Variants in SLX9 observed in about 807,000 individuals in gnomAD.
SLX9 encodes SLX9 ribosome biogenesis factor.
SLX9 carries 19 observed loss-of-function variants against 20.8 expected under a neutral mutation model. That is an observed-to-expected ratio of 0.91 (90% confidence interval 0.64 to 1.34). SLX9 has a LOEUF of 1.34. SLX9 is among the 40% of genes most tolerant of loss of function. The pLI, the probability that SLX9 is intolerant of heterozygous loss-of-function variation, is 0.00. For missense variants in SLX9, 299 were observed against 322.2 expected (o/e 0.93, Z 0.55); for synonymous variants, 113 against 137.1 (o/e 0.82, Z 1.23).
Position 44,976,735 on chromosome 21 carries a change from A to G in SLX9, c.625A>G (p.Ser209Gly), listed in dbSNP as rs752670268. ...GCTGGCCAGTCCGGCCTACAGAGCC[A>G]GCCCCCTGGTGGCCATCGGGCAGAC... is the stretch of plus-strand genomic sequence containing the variant. ...ELLASPAYRASPLVAIGQTLA... is the reference protein window; with the variant it reads ...ELLASPAYRAGPLVAIGQTLA... Residue 209 changes from serine (S) to glycine (G), a missense_variant, in exon 6 of 6, where the codon AGC becomes GGC. Coordinates refer to ENST00000291634, the MANE Select transcript of SLX9 (RefSeq NM_058190.4). 9 of 1,569,452 alleles carry G rather than the reference A, an allele frequency of 5.7e-6. No individual in the cohort carries two copies. The highest frequency in any genetic ancestry group is 6.9e-6 in the Non-Finnish European group (8 of 1,158,134).
intron 2 of SLX9, chr21:44,959,323 C>G: frequency 1.1e-6 from 1 of 950,332 alleles, no homozygotes; most frequent in Non-Finnish European, 1.3e-6. Flanking sequence ...TGAACCGTCT[C>G]GGGAAATCAG....
At chr21:44,946,834 A>G (rs905666871) in intron 2 of SLX9, among the ~76,000 whole-genome samples, 1 of 152,096 alleles carries the variant, frequency 6.6e-6, no homozygotes. Flanking sequence ...GGACCATGGG[A>G]CCTCACAGAG....
chr21:44,940,243 T>A (rs1297579867), intron 1 of SLX9, 57 bp downstream of exon 1: 3 of 1,200,492 alleles, frequency 2.5e-6, no homozygotes, highest in Non-Finnish European at 3.1e-6. Flanking sequence ...GCGGGTGAGC[T>A]GCGGGGCGCC....
intron 4 of SLX9, among the ~76,000 whole-genome samples, chr21:44,970,466 TCTC>T (rs1248873810): frequency 1.3e-5 from 2 of 152,048 alleles, no homozygotes; most frequent in East Asian, 1.9e-4. Context: ...ATCTTGGACA[TCTC>T]CTGCCAGTCC....
intron 2 of SLX9, among the ~76,000 whole-genome samples, chr21:44,957,003 C>T (rs1003036476): frequency 6.6e-6 from 1 of 152,270 alleles, no homozygotes; most frequent in Non-Finnish European, 1.5e-5. Flanking sequence ...GGAATTGCAG[C>T]TCCAGAGCAC....
At chr21:44,939,891 C>G, upstream of SLX9, 3 of 644,356 alleles carry the variant, frequency 4.7e-6, no homozygotes, top group South Asian at 2.2e-5. Context: ...AAAGGCGGAG[C>G]GCCGCCACCC....
At chr21:44,974,906 G>A (rs909150217) in intron 5 of SLX9, among the ~76,000 whole-genome samples, 4 of 152,170 alleles carry the variant, frequency 2.6e-5, no homozygotes, top group African/African-American at 7.2e-5. Context: ...TGGACAGGGC[G>A]ACGGGTTTTC....
At chr21:44,971,484 C>A (rs1444133630) in intron 4 of SLX9, among the ~76,000 whole-genome samples, 1 of 152,130 alleles carries the variant, frequency 6.6e-6, no homozygotes, top group South Asian at 2.1e-4. Context: ...CGCCTGGCCT[C>A]ATGGGCACTG....
intron 2 of SLX9, among the ~76,000 whole-genome samples, chr21:44,957,396 G>A (rs776536578): frequency 8.5e-5 from 13 of 152,234 alleles, no homozygotes; most frequent in Admixed American, 2.0e-4. Context: ...AGATCGCTCC[G>A]TGGCAGCTGC....
At chr21:44,961,847 T>C (rs1318156986) in intron 3 of SLX9, among the ~76,000 whole-genome samples, 2 of 152,264 alleles carry the variant, frequency 1.3e-5, no homozygotes, top group Non-Finnish European at 2.9e-5. Flanking sequence ...TCTGCTTATC[T>C]GTTTGTATAT....
rs1370822059 is a variant in SLX9 at position 44,945,578 on chromosome 21, C to T, written c.283+1741C>T. Among the ~76,000 whole-genome samples the T allele has an allele frequency of 3.9e-5, 6 of 152,382 alleles. No homozygotes were observed. The East Asian group carries it at 5.8e-4, about 15-fold the overall frequency. On this transcript the variant is annotated intron_variant, in intron 2 of 5. Transcript: ENST00000291634. The stretch of plus-strand genomic sequence containing the variant: ...TTAGGGAGACGTCACGCTCACGACC[C>T]GTCTTGCCTACCAGGGAAACTCCTC...
At chr21:44,959,633 C>T (rs1048646144) in intron 2 of SLX9, among the ~76,000 whole-genome samples, 1 of 152,228 alleles carries the variant, frequency 6.6e-6, no homozygotes, top group African/African-American at 2.4e-5. Context: ...AGCACATTGT[C>T]GGGCCTGGCA....
Position 44,946,547 on chromosome 21 carries a change from A to G in SLX9, c.283+2710A>G, listed in dbSNP as rs1445214098. Among the ~76,000 whole-genome samples the G allele has an allele frequency of 1.2e-4, 18 of 152,354 alleles. No individual in the cohort carries two copies. In the East Asian group the frequency reaches 3.3e-3, roughly 28 times the overall value. ...GAGCCGGTGGCTTTGTGCACTGCCC[A>G]TGGCTGTGATTTCTGCCTTGGTGCC... On this transcript the variant is annotated intron_variant, in intron 2 of 5. Coordinates refer to ENST00000291634, the MANE Select transcript of SLX9 (RefSeq NM_058190.4).
At chr21:44,946,708 G>A (rs959362041) in intron 2 of SLX9, among the ~76,000 whole-genome samples, 5 of 152,220 alleles carry the variant, frequency 3.3e-5, no homozygotes, top group Non-Finnish European at 7.3e-5. Context: ...CTCCTGGAGC[G>A]AGGCCTCTGG....
chr21:44,954,718 T>G (rs2084823589), intron 2 of SLX9, among the ~76,000 whole-genome samples: 2 of 152,144 alleles, frequency 1.3e-5, no homozygotes, highest in African/African-American at 4.8e-5. Flanking sequence ...GTGACTGCTC[T>G]TCTCTGCGGT....
Position 44,976,674 on chromosome 21 carries a change from T to C in SLX9, c.570-6T>C. 6.3e-7 allele frequency: 1 copy of C among 1,580,562 alleles called. No individual in the cohort carries two copies. Among genetic ancestry groups the C allele is most frequent in the Non-Finnish European group, 8.6e-7 (1 of 1,163,276 alleles). On this transcript the variant is annotated splice_region_variant and splice_polypyrimidine_tract_variant and intron_variant, in intron 5 of 5. Transcript: ENST00000291634. The stretch of plus-strand genomic sequence containing the variant: ...GCCTGCTGATCTGTGGTCTCCATTC[T>C]TTCAGCGAGGAAGAAAGGACCCGGT...
At chr21:44,946,304 G>A (rs1220515824) in intron 2 of SLX9, among the ~76,000 whole-genome samples, 2 of 150,182 alleles carry the variant, frequency 1.3e-5, no homozygotes, top group African/African-American at 2.5e-5. Flanking sequence ...TTGTGCTGAC[G>A]GGACTGTAGC....
intron 2 of SLX9, among the ~76,000 whole-genome samples, chr21:44,945,026 G>A (rs1011214076): frequency 2.0e-5 from 3 of 152,252 alleles, no homozygotes; most frequent in African/African-American, 7.2e-5. Flanking sequence ...TGGTGGGAAG[G>A]CTGGGGACGA....
upstream of SLX9, chr21:44,939,894 C>G: frequency 1.5e-6 from 1 of 669,620 alleles, no homozygotes; most frequent in Non-Finnish European, 2.4e-6. Flanking sequence ...GGCGGAGCGC[C>G]GCCACCCTAC....
Sources: allele counts gnomAD v4.1 joint callset (sites outside exome capture counted in the v4.1 genomes callset), GRCh38; gene constraint gnomAD v4.1.1; transcripts MANE v1.5; gene names NCBI Gene and HGNC (gene_info 2026-07-23, HGNC 2026-07-21).